RUNX1T1: variants seen among roughly 807,000 people sequenced by gnomAD.
The protein encoded by RUNX1T1 is RUNX1 partner transcriptional co-repressor 1, also known as protein CBFA2T1.
In RUNX1T1, 4 loss-of-function variants were observed where a neutral mutation model predicts 62.8. The observed-to-expected ratio is 0.06, with a 90% CI of 0.03 to 0.15. The LOEUF is 0.15. Among genes scored for constraint, RUNX1T1 ranks in the 10% least tolerant of loss-of-function variants. The pLI is 1.00. For synonymous variants in RUNX1T1, 291 were observed against 286.0 expected (o/e 1.02, Z -0.18); for missense variants, 508 against 754.3 (o/e 0.67, Z 3.82).
intron 10 of RUNX1T1, among the ~76,000 whole-genome samples, chr8:91,970,042 GT>G (rs200035438): frequency 4.1e-4 from 11 of 26,848 alleles, no homozygotes; most frequent in Admixed American, 1.6e-3. Context: ...GTGTGTGTGT[GT>G]TGTGTGTGTG....
At chr8:92,018,664 C>G (rs1034488386) in intron 1 of RUNX1T1, among the ~76,000 whole-genome samples, 10 of 152,234 alleles carry the variant, frequency 6.6e-5, no homozygotes, top group Non-Finnish European at 1.5e-4. Flanking sequence ...AAGAAAAACC[C>G]AAATTACTAC....
At chr8:92,012,460 C>G (rs1018303747) in intron 3 of RUNX1T1, among the ~76,000 whole-genome samples, 5 of 151,968 alleles carry the variant, frequency 3.3e-5, no homozygotes, top group African/African-American at 1.2e-4. Flanking sequence ...CTTGGAAGGT[C>G]AAGGCTGCGG....
chr8:92,071,844 C>T (rs1413236402), intron 2 of RUNX1T1, among the ~76,000 whole-genome samples: 1 of 152,198 alleles, frequency 6.6e-6, no homozygotes, highest in African/African-American at 2.4e-5. Flanking sequence ...TCCGCAAGAA[C>T]TGCCCGGAGC....
intron 1 of RUNX1T1, among the ~76,000 whole-genome samples, chr8:92,041,928 C>T (rs1828546672): frequency 6.6e-6 from 1 of 151,352 alleles, no homozygotes; most frequent in Admixed American, 6.6e-5. Context: ...AAGCAATTCC[C>T]ATGCCTCAGC....
At chr8:92,090,747 A>C (rs990931242) in intron 1 of RUNX1T1, among the ~76,000 whole-genome samples, 25 of 152,312 alleles carry the variant, frequency 1.6e-4, no homozygotes, top group Admixed American at 4.6e-4. Context: ...CTCAGGCACA[A>C]AGTAAGTCAT....
At chr8:91,971,014 A>C (rs890288687) in intron 9 of RUNX1T1, 166 bp from the exon 11 acceptor site, 5 of 495,458 alleles carry the variant, frequency 1.0e-5, no homozygotes, top group African/African-American at 9.9e-5. Flanking sequence ...AGCTGGAATT[A>C]CAGGAGCCTT....
chr8:92,060,120 T>C (rs925261490), intron 1 of RUNX1T1, among the ~76,000 whole-genome samples: 1 of 152,168 alleles, frequency 6.6e-6, no homozygotes, highest in Admixed American at 6.5e-5. Flanking sequence ...TCTCCCAGCC[T>C]TCTCATAAGA....
At chr8:91,968,039 C>A (rs529511949) in intron 10 of RUNX1T1, among the ~76,000 whole-genome samples, 1 of 152,222 alleles carries the variant, frequency 6.6e-6, no homozygotes, top group East Asian at 1.9e-4. Flanking sequence ...TGAATATCGT[C>A]CCATTCCTTA....
chr8:91,959,448 G>GTATATA (rs1563589556), exon 11 of RUNX1T1: 11 of 157,094 alleles, frequency 7.0e-5, no homozygotes, highest in African/African-American at 2.2e-4. Context: ...GTGTGTGTGT[G>GTATATA]TGTGTGTGTG....
chr8:91,983,716 C>T lies in RUNX1T1; in HGVS notation c.1198+2408G>A, dbSNP rs1443492163. Among the ~76,000 whole-genome samples, 5 of 152,300 alleles carry T rather than the reference C, an allele frequency of 3.3e-5. No individual in the cohort carries two copies. In the East Asian group the frequency reaches 9.7e-4, roughly 29 times the overall value. On this transcript the variant is annotated intron_variant, in intron 8 of 10. Transcript: ENST00000396218. ...ATCAGCCAATAATCTCCAATCCTTT[C>T]ATTACACACATCAATCCATTCAACT...
At chr8:92,027,393 C>A (rs1372577765) in intron 1 of RUNX1T1, among the ~76,000 whole-genome samples, 1 of 152,064 alleles carries the variant, frequency 6.6e-6, no homozygotes, top group Non-Finnish European at 1.5e-5. Flanking sequence ...AGCTCTGTGG[C>A]AGAAGTCCAT....
exon 11 of RUNX1T1, chr8:91,960,318 A>C (rs1810154337): frequency 6.2e-7 from 1 of 1,611,760 alleles, no homozygotes; most frequent in South Asian, 1.1e-5. Context: ...TGGTGTGTCC[A>C]TCGGGCTCCC....
At chr8:92,060,553 A>ATATGTATATATATGTGTGTGTGTGTG in intron 1 of RUNX1T1, among the ~76,000 whole-genome samples, 1 of 63,974 alleles carries the variant, frequency 1.6e-5, no homozygotes, top group Non-Finnish European at 3.2e-5. Context: ...ATATATATAT[A>ATATGTATATATATGTGTGTGTGTGTG]TGTGTGTGTG....
intron 1 of RUNX1T1, among the ~76,000 whole-genome samples, chr8:92,046,698 T>C (rs1352683742): frequency 6.6e-6 from 1 of 152,180 alleles, no homozygotes; most frequent in Non-Finnish European, 1.5e-5. Flanking sequence ...TGACTGTTAG[T>C]TTACCTTCAG....
At chr8:92,050,389 T>C (rs1376617816) in intron 1 of RUNX1T1, among the ~76,000 whole-genome samples, 1 of 152,182 alleles carries the variant, frequency 6.6e-6, no homozygotes, top group East Asian at 1.9e-4. Context: ...GTTTAAATGT[T>C]CCTTGAAACT....
chr8:91,977,124 T>A (rs1563649353), intron 8 of RUNX1T1: 1 of 195,796 alleles, frequency 5.1e-6, no homozygotes, highest in Non-Finnish European at 1.1e-5. Context: ...ATGCTTTAAA[T>A]ACATTTGAAT....
intron 7 of RUNX1T1, 130 bp from the exon 9 acceptor site, chr8:91,986,455 A>G (rs774844374): frequency 1.5e-6 from 1 of 683,100 alleles, no homozygotes; most frequent in Non-Finnish European, 2.5e-6. Flanking sequence ...TCAGTCTAGT[A>G]TTTTCTATGA....
At chr8:91,959,413 TG>T (rs1340054637) in exon 11 of RUNX1T1, 13 of 52,758 alleles carry the variant, frequency 2.5e-4, no homozygotes, top group Non-Finnish European at 4.9e-4. Flanking sequence ...GTCTCTTACT[TG>T]TGTGTGTGTG....
At chr8:92,015,665 A>G (rs1018758719) in intron 2 of RUNX1T1, among the ~76,000 whole-genome samples, 2 of 152,240 alleles carry the variant, frequency 1.3e-5, no homozygotes, top group African/African-American at 4.8e-5. Flanking sequence ...TGCATTAAAG[A>G]AAATGTTGAT....
Sources: gnomAD v4.1 joint callset for allele counts (sites outside exome capture counted in the v4.1 genomes callset) on GRCh38, gnomAD v4.1.1 for gene constraint, MANE v1.5 for transcripts, NCBI Gene and HGNC (gene_info 2026-07-23, HGNC 2026-07-21) for gene names.